The following UBE2Q2 variants were observed in gnomAD, a reference collection of about 807,000 sequenced individuals.
The protein encoded by UBE2Q2 is ubiquitin conjugating enzyme E2 Q2.
Under a neutral mutation model 59.9 loss-of-function variants are expected in UBE2Q2, and 54 were observed. The ratio of observed to expected loss-of-function variants is 0.90; its 90% confidence interval spans 0.72 to 1.13. The LOEUF (loss-of-function observed/expected upper bound fraction) is 1.13, where lower values mean the gene tolerates loss of function less well. Ranked by LOEUF, UBE2Q2 falls within the 50% of genes most tolerant of loss-of-function variation. The pLI is 0.00. For synonymous variants in UBE2Q2, 165 were observed against 155.2 expected (o/e 1.06, Z -0.47); for missense variants, 433 against 441.9 (o/e 0.98, Z 0.18).
At chr15:75,873,629 CAGGCA>C in intron 5 of UBE2Q2, 61 bp downstream of exon 5, 2 of 1,537,272 alleles carry the variant, frequency 1.3e-6, no homozygotes, top group Non-Finnish European at 8.8e-7. Flanking sequence ...TAGTTAATAC[CAGGCA>C]ATTCATTAAC....
chr15:75,873,819 C>T (rs1897926650), intron 5 of UBE2Q2, among the ~76,000 whole-genome samples: 1 of 152,228 alleles, frequency 6.6e-6, no homozygotes, highest in African/African-American at 2.4e-5. Flanking sequence ...CCTCAGCCTC[C>T]CAAGTAGCTT....
chr15:75,887,910 G>A (rs1898877938), intron 9 of UBE2Q2, among the ~76,000 whole-genome samples: 1 of 152,156 alleles, frequency 6.6e-6, no homozygotes, highest in South Asian at 2.1e-4. Context: ...GGAATTATTT[G>A]CTGACTTGGG....
intron 4 of UBE2Q2, among the ~76,000 whole-genome samples, chr15:75,870,253 G>T (rs1897714957): frequency 6.6e-6 from 1 of 152,122 alleles, no homozygotes; most frequent in Non-Finnish European, 1.5e-5. Context: ...TTTTTGTAGA[G>T]ATTGGGTCTT....
At chr15:75,854,554 A>T (rs1212729360) in intron 2 of UBE2Q2, 67 bp downstream of exon 2, 2 of 949,372 alleles carry the variant, frequency 2.1e-6, no homozygotes, top group African/African-American at 3.3e-5. Flanking sequence ...TTAAATGTTA[A>T]GAGATAATAT....
chr15:75,883,530 G>A, intron 9 of UBE2Q2, 106 bp downstream of exon 9: 1 of 773,298 alleles, frequency 1.3e-6, no homozygotes, highest in Non-Finnish European at 2.1e-6. Flanking sequence ...TTGAATTCCT[G>A]GGCTCAAGTG....
rs777795212 is a variant in UBE2Q2, at chr15:75,859,858, T to C, written c.283-20T>C. ...AGGGCTCTTTAACATAATGCTTATT[T>C]ACTGAAATGTGTTTTGTAGCTTCGT... is the stretch of plus-strand genomic sequence containing the variant. On this transcript the variant is annotated intron_variant, in intron 2 of 12. Coordinates refer to ENST00000267938, the MANE Select transcript of UBE2Q2 (RefSeq NM_173469.4). 1 of 1,554,366 alleles carries C rather than the reference T, an allele frequency of 6.4e-7. No homozygotes were observed. The highest frequency in any genetic ancestry group is 1.4e-5 in the African/African-American group (1 of 72,338).
At chr15:75,880,778 C>T (rs1373080341) in intron 8 of UBE2Q2, among the ~76,000 whole-genome samples, 1 of 152,036 alleles carries the variant, frequency 6.6e-6, no homozygotes, top group Non-Finnish European at 1.5e-5. Context: ...GGATTACAGG[C>T]GTGATTTAAT....
chr15:75,843,788 C>G lies in UBE2Q2; in HGVS notation c.122C>G (p.Pro41Arg). The part of the protein sequence containing the change: ...LDELHCQFLV[P>R]QQGSPHSLPP... ...GAGCTGCACTGCCAGTTCCTGGTGC[C>G]GCAGCAGGGCAGCCCGCACTCGCTG... is the stretch of plus-strand genomic sequence containing the variant. The change falls in exon 1 of 13, where the codon CCG (proline) becomes CGG (arginine). Residue 41 changes from proline (P) to arginine (R), a missense_variant. By Grantham distance (103) the Pro-to-Arg change is moderately radical. Coordinates refer to ENST00000267938, the MANE Select transcript of UBE2Q2 (RefSeq NM_173469.4). 6.2e-7 allele frequency: 1 copy of G among 1,608,398 alleles called. No homozygotes were observed. Among genetic ancestry groups the G allele is most frequent in the Non-Finnish European group, 8.5e-7 (1 of 1,178,288 alleles).
chr15:75,843,855 C>T lies in UBE2Q2; in HGVS notation c.180+9C>T. On this transcript the variant is annotated intron_variant, in intron 1 of 12. Transcript: ENST00000267938. ...TCCACTGCAACATCACGGTGAGGCG[C>T]CCGGCCGCGGCCCCGCGGGGCAGGG... The T allele has an allele frequency of 1.3e-6, 2 of 1,547,666 alleles. No homozygotes were observed. The highest frequency in any genetic ancestry group is 2.4e-5 in the South Asian group (2 of 84,218).
chr15:75,851,936 G>T (rs1440038664), intron 1 of UBE2Q2, among the ~76,000 whole-genome samples: 2 of 152,198 alleles, frequency 1.3e-5, no homozygotes, highest in Admixed American at 6.5e-5. Context: ...GCAGTAGCGT[G>T]ATCACAGCTC....
intron 2 of UBE2Q2, 81 bp downstream of exon 2, chr15:75,854,568 A>G: frequency 1.2e-6 from 1 of 823,516 alleles, no homozygotes; most frequent in Non-Finnish European, 1.8e-6. Context: ...ATAATATGAT[A>G]TAAAAGCATG....
intron 4 of UBE2Q2, among the ~76,000 whole-genome samples, chr15:75,870,501 T>C (rs1174940576): frequency 6.6e-6 from 1 of 152,206 alleles, no homozygotes; most frequent in African/African-American, 2.4e-5. Flanking sequence ...ACCTTTTTTG[T>C]GCGCCCAGTT....
At chr15:75,864,468 C>T (rs1562403) in intron 3 of UBE2Q2, among the ~76,000 whole-genome samples, 14,974 of 152,120 alleles carry the variant, frequency 0.098, 1,874 homozygotes, top group African/African-American at 0.3. Flanking sequence ...TGGCCCAATA[C>T]GTCAATATTG....
intron 2 of UBE2Q2, among the ~76,000 whole-genome samples, chr15:75,854,980 A>G (rs762275507): frequency 6.6e-6 from 1 of 152,208 alleles, no homozygotes; most frequent in Non-Finnish European, 1.5e-5. Context: ...TCTTGATTAT[A>G]AAACTCATGA....
chr15:75,890,942 A>G lies in UBE2Q2; in HGVS notation c.957A>G (p.Ile319Met), dbSNP rs201246404. 12 of 1,612,940 alleles carry G rather than the reference A, an allele frequency of 7.4e-6. No individual in the cohort carries two copies. Among genetic ancestry groups the G allele is most frequent in the Non-Finnish European group, 1.0e-5 (12 of 1,179,944 alleles). ...TKQGWSSAYS[I>M]ESVIMQINAT... ...AGGGCTGGAGCAGTGCCTACTCAAT[A>G]GAATCGGTCATCATGCAAATAAATG... Residue 319 changes from isoleucine to methionine, a missense_variant, in exon 11 of 13, where the codon ATA becomes ATG. By Grantham distance (10) the Ile-to-Met change is conservative. Coordinates refer to ENST00000267938, the MANE Select transcript of UBE2Q2 (RefSeq NM_173469.4).
At chr15:75,879,839 G>A (rs1052572595) in intron 8 of UBE2Q2, among the ~76,000 whole-genome samples, 4 of 152,120 alleles carry the variant, frequency 2.6e-5, no homozygotes, top group Non-Finnish European at 5.9e-5. Flanking sequence ...GGATTCATAC[G>A]TGAGCAGTAA....
intron 1 of UBE2Q2, among the ~76,000 whole-genome samples, chr15:75,848,301 T>G (rs564321620): frequency 6.6e-6 from 1 of 152,248 alleles, no homozygotes; most frequent in Non-Finnish European, 1.5e-5. Context: ...ATTTTTCTAG[T>G]CTTTACTATG....
rs1897908417 is a variant in UBE2Q2 at position 75,873,533 on chromosome 15, A to T, written c.553A>T (p.Lys185Ter). The T allele has an allele frequency of 1.2e-6, 2 of 1,613,908 alleles. No homozygotes were observed. Among genetic ancestry groups the T allele is most frequent in the East Asian group, 4.5e-5 (2 of 44,846 alleles). The change falls in exon 5 of 13, where the codon AAA becomes TAA. Residue 185 changes from lysine (K) to a stop codon, truncating the protein, a stop_gained. Coordinates refer to ENST00000267938, the MANE Select transcript of UBE2Q2 (RefSeq NM_173469.4). LOFTEE classifies it high-confidence loss of function. Reference protein sequence around the residue: ...IEKENLAILEKIRKTQRQDHL... With the variant: ...IEKENLAILE ...AAAAGAAAATTTGGCAATATTAGAG[A>T]AAATTAGGAAGACTCAAAGGCAAGA...
intron 1 of UBE2Q2, among the ~76,000 whole-genome samples, chr15:75,850,658 T>C (rs527317616): frequency 5.3e-5 from 8 of 152,270 alleles, no homozygotes; most frequent in Non-Finnish European, 1.2e-4. Flanking sequence ...TGGAACTATG[T>C]AAGTTAATAT....
Sources: gnomAD v4.1 joint callset for allele counts (sites outside exome capture counted in the v4.1 genomes callset) on GRCh38, gnomAD v4.1.1 for gene constraint, MANE v1.5 for transcripts, NCBI Gene and HGNC (gene_info 2026-07-23, HGNC 2026-07-21) for gene names.